Variants in XKR4 observed in about 807,000 individuals in gnomAD.
XKR4 encodes XK related 4, also known as XK-related protein 4.
XKR4 carries 12 observed loss-of-function variants against 53.9 expected under a neutral mutation model. The observed-to-expected ratio is 0.22, with a 90% CI of 0.14 to 0.36. The LOEUF is 0.36. XKR4 is among the 10% of genes least tolerant of loss of function. The pLI, the probability that XKR4 is intolerant of heterozygous loss-of-function variation, is 1.00. For missense variants in XKR4, 799 were observed against 859.5 expected (o/e 0.93, Z 0.88); for synonymous variants, 354 against 362.4 (o/e 0.98, Z 0.26).
intron 1 of XKR4, among the ~76,000 whole-genome samples, chr8:55,220,906 G>A (rs143508853): frequency 4.6e-5 from 7 of 152,326 alleles, no homozygotes; most frequent in Middle Eastern, 6.8e-3. Context: ...TTAATACAGT[G>A]ACTTGCATAT....
rs369983175 is a variant in XKR4, at chr8:55,247,855, C to CTTTCTTTCTTTCTTTCTTTCTTTCTTTCT, written c.807-109820_807-109819insCTTTCTTTCTTTCTTTCTTTCTTTCTTTT. On this transcript the variant is annotated intron_variant, in intron 1 of 2. Coordinates refer to ENST00000327381, the MANE Select transcript of XKR4 (RefSeq NM_052898.2). ...TTTCTTTTTCTTTCTTTCTTTCTTT[C>CTTTCTTTCTTTCTTTCTTTCTTTCTTTCT]TTTTTTTTTTTTTTTTTTTGAGACA... 2.0e-3 allele frequency among the ~76,000 whole-genome samples: 118 copies of CTTTCTTTCTTTCTTTCTTTCTTTCTTTCT among 59,900 alleles called. 4 individuals carry two copies. The highest frequency in any genetic ancestry group is 4.0e-3 in the Non-Finnish European group (88 of 22,126). 39.3% of individuals were successfully genotyped at this position (59,900 alleles called of 152,430 possible).
At chr8:55,363,559 T>C (rs1803932203) in intron 2 of XKR4, among the ~76,000 whole-genome samples, 3 of 152,210 alleles carry the variant, frequency 2.0e-5, no homozygotes, top group African/African-American at 7.2e-5. Context: ...TTGAGCACTC[T>C]TGAGACCTAA....
chr8:55,402,949 G>C (rs1167128060), intron 2 of XKR4, among the ~76,000 whole-genome samples: 2 of 152,200 alleles, frequency 1.3e-5, no homozygotes, highest in Non-Finnish European at 2.9e-5. Flanking sequence ...GCTCCGTCCA[G>C]GTCAGGAGCA....
At chr8:55,479,955 C>T (rs559838768) in intron 2 of XKR4, among the ~76,000 whole-genome samples, 76 of 152,222 alleles carry the variant, frequency 5.0e-4, no homozygotes, top group Non-Finnish European at 7.5e-4. Context: ...GATTCACTGC[C>T]GAATTTTACC....
chr8:55,233,729 G>A (rs568828202), intron 1 of XKR4, among the ~76,000 whole-genome samples: 1 of 152,328 alleles, frequency 6.6e-6, no homozygotes, highest in East Asian at 1.9e-4. Flanking sequence ...ACATTTTCGG[G>A]AACTTTTCCC....
intron 1 of XKR4, among the ~76,000 whole-genome samples, chr8:55,282,474 G>A (rs761112582): frequency 1.3e-5 from 2 of 152,176 alleles, no homozygotes; most frequent in Non-Finnish European, 2.9e-5. Flanking sequence ...TTAAACCATG[G>A]TCAAAGTGGA....
intron 2 of XKR4, among the ~76,000 whole-genome samples, chr8:55,367,795 A>G (rs374308575): frequency 1.4e-4 from 22 of 152,108 alleles, no homozygotes; most frequent in East Asian, 9.7e-4. Flanking sequence ...TCCACCTCCA[A>G]AACACATCCC....
At chr8:55,223,612 A>C (rs116947466) in intron 1 of XKR4, among the ~76,000 whole-genome samples, 2,598 of 152,296 alleles carry the variant, frequency 0.017, 45 homozygotes, top group Middle Eastern at 0.027. Context: ...AATTCCTCTA[A>C]ATGTTTGGAG....
chr8:55,329,645 T>C (rs1489124960), intron 1 of XKR4, among the ~76,000 whole-genome samples: 1 of 152,202 alleles, frequency 6.6e-6, no homozygotes, highest in Non-Finnish European at 1.5e-5. Flanking sequence ...GTGTACTTCC[T>C]AGGCTTTCTG....
intron 2 of XKR4, among the ~76,000 whole-genome samples, chr8:55,364,272 C>T (rs1455052671): frequency 2.0e-5 from 3 of 152,210 alleles, no homozygotes; most frequent in Non-Finnish European, 4.4e-5. Flanking sequence ...CTGGTCCCCT[C>T]CTCTATCTGA....
intron 2 of XKR4, among the ~76,000 whole-genome samples, chr8:55,496,391 A>T (rs1311449449): frequency 6.6e-6 from 1 of 152,182 alleles, no homozygotes; most frequent in East Asian, 1.9e-4. Flanking sequence ...AAACAAAAAA[A>T]AAATTACCAT....
intron 1 of XKR4, among the ~76,000 whole-genome samples, chr8:55,252,619 T>C (rs1181616438): frequency 6.6e-6 from 1 of 152,238 alleles, no homozygotes; most frequent in Non-Finnish European, 1.5e-5. Context: ...ATGCATAAAC[T>C]GACTCAGGTT....
chr8:55,519,012 A>T (rs2129405547), intron 2 of XKR4, among the ~76,000 whole-genome samples: 1 of 152,324 alleles, frequency 6.6e-6, no homozygotes, highest in East Asian at 1.9e-4. Context: ...ATCCAGAGAA[A>T]GGCAGGTTAA....
At chr8:55,503,855 A>C (rs1025818555) in intron 2 of XKR4, among the ~76,000 whole-genome samples, 1 of 151,986 alleles carries the variant, frequency 6.6e-6, no homozygotes, top group Admixed American at 6.6e-5. Context: ...TATGGCCTTT[A>C]TTATGATGAG....
chr8:55,526,625 T>A lies in XKR4; in HGVS notation c.*2398T>A, dbSNP rs1806137883. Reference sequence around the variant, plus strand: ...TGTTTCCAAGACAACTTTTAACTGATGATCTTTGGAAATTGAGTTTCTCAG... The same window carrying A: ...TGTTTCCAAGACAACTTTTAACTGAAGATCTTTGGAAATTGAGTTTCTCAG... On this transcript the variant is annotated 3_prime_UTR_variant, in exon 3 of 3. Transcript: ENST00000327381. 6.6e-6 allele frequency: 1 copy of A among 152,242 alleles called. No homozygotes were observed. The highest frequency in any genetic ancestry group is 2.4e-5 in the African/African-American group (1 of 41,470). 9.4% of individuals were successfully genotyped at this position (152,242 alleles called of 1,614,324 possible). A position where few individuals can be genotyped will look rare whatever the true frequency, so the allele number is the denominator to read the frequency against.
chr8:55,314,233 G>A (rs373452291), intron 1 of XKR4, among the ~76,000 whole-genome samples: 2 of 152,144 alleles, frequency 1.3e-5, no homozygotes, highest in East Asian at 1.9e-4. Context: ...AGCCAAACTC[G>A]TGCCAAAAGC....
rs1585621274 is a variant in XKR4, at chr8:55,529,643, T to C, written c.*5416T>C. 1 of 152,110 alleles carries C rather than the reference T, an allele frequency of 6.6e-6. No individual in the cohort carries two copies. Among genetic ancestry groups the C allele is most frequent in the African/African-American group, 2.4e-5 (1 of 41,412 alleles). The allele number at this position is 152,110 out of a possible 1,614,324, so 9.4% of individuals were successfully genotyped here. On this transcript the variant is annotated 3_prime_UTR_variant, in exon 3 of 3. Coordinates refer to ENST00000327381, the MANE Select transcript of XKR4 (RefSeq NM_052898.2). ...CAAAGGTCCCACAGCTAGGAAACAG[T>C]GGGGCTGAGGGTTGAGCACAGCTTT... is the stretch of plus-strand genomic sequence containing the variant.
chr8:55,451,931 G>T, intron 2 of XKR4: 1 of 783,146 alleles, frequency 1.3e-6, no homozygotes. Context: ...TCCTCAGAGG[G>T]CGGCTGGCTC....
intron 2 of XKR4, among the ~76,000 whole-genome samples, chr8:55,521,373 T>C (rs764008244): frequency 6.6e-6 from 1 of 152,210 alleles, no homozygotes; most frequent in African/African-American, 2.4e-5. Flanking sequence ...TCACCTTCTT[T>C]TGTCATTTTT....
Sources: allele counts gnomAD v4.1 joint callset (sites outside exome capture counted in the v4.1 genomes callset), GRCh38; gene constraint gnomAD v4.1.1; transcripts MANE v1.5; gene names NCBI Gene and HGNC (gene_info 2026-07-23, HGNC 2026-07-21).